GRAMD1C: variants seen among roughly 807,000 people sequenced by gnomAD.
GRAMD1C encodes GRAM domain containing 1C.
Under a neutral mutation model 97.8 loss-of-function variants are expected in GRAMD1C, and 89 were observed. The ratio of observed to expected loss-of-function variants is 0.91; its 90% CI spans 0.77 to 1.09. The LOEUF is 1.09. Among genes scored for constraint, GRAMD1C ranks in the 50% least tolerant of loss-of-function variants. The pLI, the probability that GRAMD1C is intolerant of heterozygous loss-of-function variation, is 0.00. For missense variants in GRAMD1C, 740 were observed against 766.4 expected (o/e 0.97, Z 0.41); for synonymous variants, 256 against 267.0 (o/e 0.96, Z 0.40).
In GRAMD1C at chr3:113,936,249, GTT is replaced by G. The variant is rs751275498; in HGVS notation, c.1457-7_1457-6del. 3.4e-6 allele frequency: 4 copies of G among 1,175,788 alleles called. No individual in the cohort carries two copies. Among genetic ancestry groups the G allele is most frequent in the Non-Finnish European group, 3.6e-6 (3 of 844,160 alleles). The allele number at this position is 1,175,788 out of a possible 1,614,324, so 72.8% of individuals were successfully genotyped here. A position where few individuals can be genotyped will look rare whatever the true frequency, so the allele number is the denominator to read the frequency against. On this transcript the variant is annotated splice_polypyrimidine_tract_variant and intron_variant, in intron 13 of 17. Coordinates refer to ENST00000358160, the MANE Select transcript of GRAMD1C (RefSeq NM_017577.5). ...GAGCTTTCCTCACTATATAAAGATT[GTT>G]TTTTTTTTTCTTAGAATCAGATTTG... is the stretch of plus-strand genomic sequence containing the variant.
At chr3:113,839,282 C>A (rs1250906557) in intron 1 of GRAMD1C, among the ~76,000 whole-genome samples, 1 of 152,164 alleles carries the variant, frequency 6.6e-6, no homozygotes, top group African/African-American at 2.4e-5. Context: ...CAGCCTTGCC[C>A]CCTTCCTTTC....
intron 1 of GRAMD1C, among the ~76,000 whole-genome samples, chr3:113,831,560 T>C (rs1451204337): frequency 6.6e-6 from 1 of 152,198 alleles, no homozygotes; most frequent in Non-Finnish European, 1.5e-5. Context: ...TTTGTATATG[T>C]TGGTCTACTT....
chr3:113,933,575 A>T lies in GRAMD1C; in HGVS notation c.1274A>T (p.Asp425Val), dbSNP rs1937516677. 1.9e-6 allele frequency: 3 copies of T among 1,601,152 alleles called. No individual in the cohort carries two copies. The highest frequency in any genetic ancestry group is 1.7e-4 in the Middle Eastern group (1 of 6,042). ...GTAGATTCAGAAGTACTGACACATG[A>T]TGTCCCCTACCATGATTACTTCTAT... ...YLVDSEVLTH[D>V]VPYHDYFYTV... The change falls in exon 12 of 18, where the codon GAT (aspartate) becomes GTT (valine). Residue 425 changes from aspartate to valine, a missense_variant. By Grantham distance (152) the Asp-to-Val change is radical. Transcript: ENST00000358160.
intron 2 of GRAMD1C, among the ~76,000 whole-genome samples, chr3:113,854,590 A>C (rs7646432): frequency 6.6e-6 from 1 of 152,106 alleles, no homozygotes; most frequent in South Asian, 2.1e-4. Context: ...TTAAGGGCAA[A>C]AACCTGACTA....
intron 6 of GRAMD1C, among the ~76,000 whole-genome samples, chr3:113,886,451 C>G (rs1935484207): frequency 6.6e-6 from 1 of 152,114 alleles, no homozygotes; most frequent in Non-Finnish European, 1.5e-5. Flanking sequence ...TTCACTCCTG[C>G]TCCAAGGGCT....
At chr3:113,885,546 G>T in intron 6 of GRAMD1C, 4 of 1,597,202 alleles carry the variant, frequency 2.5e-6, no homozygotes, top group Non-Finnish European at 3.4e-6. Flanking sequence ...TCCTGAGGCC[G>T]CAGTCCGGCC....
chr3:113,886,211 G>C (rs568935028), intron 6 of GRAMD1C, among the ~76,000 whole-genome samples: 1 of 152,302 alleles, frequency 6.6e-6, no homozygotes, highest in South Asian at 2.1e-4. Flanking sequence ...TGGACACATG[G>C]GCTGGGGGCT....
At chr3:113,914,145 A>G (rs1936715911) in intron 9 of GRAMD1C, among the ~76,000 whole-genome samples, 1 of 152,202 alleles carries the variant, frequency 6.6e-6, no homozygotes, top group South Asian at 2.1e-4. Context: ...TACAGTGAAC[A>G]TATAATACTT....
chr3:113,917,749 A>G (rs1183988425), intron 10 of GRAMD1C, among the ~76,000 whole-genome samples: 2 of 144,248 alleles, frequency 1.4e-5, no homozygotes, highest in South Asian at 2.3e-4. Context: ...CTGGAGTGCT[A>G]TGGTGCAATC....
chr3:113,876,241 T>C lies in GRAMD1C; in HGVS notation c.440T>C (p.Ile147Thr). The change falls in exon 5 of 18, where the codon ATA becomes ACA. Residue 147 changes from isoleucine (I) to threonine (T), a missense_variant. By Grantham distance (89) the Ile-to-Thr change is moderately conservative. Transcript: ENST00000358160. ...TARLIPNAIQ[I>T]VTESEKFFFT... ...CGACTCATCCCAAACGCTATCCAGA[T>C]AGTTACAGAAAGTGAAAAGGTGAAA... is the stretch of plus-strand genomic sequence containing the variant. The C allele has an allele frequency of 1.9e-6, 3 of 1,583,432 alleles. No homozygotes were observed. In the Admixed American group the frequency reaches 5.0e-5, roughly 27 times the overall value.
In GRAMD1C at chr3:113,904,156, A is replaced by G. The variant is rs1356500674; in HGVS notation, c.673A>G (p.Ser225Gly). 22 of 1,609,780 alleles carry G rather than the reference A, an allele frequency of 1.4e-5. No homozygotes were observed. The highest frequency in any genetic ancestry group is 1.9e-5 in the Non-Finnish European group (22 of 1,176,262). The change falls in exon 8 of 18, where the codon AGC (serine) becomes GGC (glycine). Residue 225 changes from serine (S) to glycine (G), a missense_variant. Transcript: ENST00000358160. ...TTCTTACAGAAGTCCAGGAAGAAGC[A>G]GCTTGGATGACTCTGGGGAGAGAGA... ...DVQPRSPGRSSLDDSGERDEK... is the reference protein window; with the variant it reads ...DVQPRSPGRSGLDDSGERDEK...
At chr3:113,890,477 A>G in intron 6 of GRAMD1C, 1 of 474,102 alleles carries the variant, frequency 2.1e-6, no homozygotes, top group South Asian at 4.2e-5. Context: ...CTGCCCTCCC[A>G]GGTTGCACTT....
intron 1 of GRAMD1C, among the ~76,000 whole-genome samples, chr3:113,830,896 C>T (rs755160678): frequency 1.3e-5 from 2 of 152,100 alleles, no homozygotes; most frequent in Non-Finnish European, 2.9e-5. Flanking sequence ...GTTAGGAATT[C>T]GAGGCCAGGG....
intron 6 of GRAMD1C, among the ~76,000 whole-genome samples, chr3:113,889,123 C>T (rs1420059557): frequency 6.6e-6 from 1 of 152,072 alleles, no homozygotes; most frequent in Non-Finnish European, 1.5e-5. Context: ...TCACTTGAAC[C>T]GGGTAGGCAG....
chr3:113,885,194 C>T (rs1935420359), intron 6 of GRAMD1C: 4 of 694,720 alleles, frequency 5.8e-6, no homozygotes, highest in Non-Finnish European at 2.4e-6. Flanking sequence ...TCTCCTGCCA[C>T]TTGGGGCCCC....
In GRAMD1C at chr3:113,930,776, A is replaced by G. The variant is rs1197009212; in HGVS notation, c.1153A>G (p.Thr385Ala). ...TGATCAGCTGAGAACGATGACCTACACTATAGTCCTTAATAGTCCACTTAC... is the reference window on the plus strand; with the variant it reads ...TGATCAGCTGAGAACGATGACCTACGCTATAGTCCTTAATAGTCCACTTAC... The part of the protein sequence containing the change: ...GGDQLRTMTY[T>A]IVLNSPLTGK... The change falls in exon 11 of 18, where the codon ACT (threonine) becomes GCT (alanine). Residue 385 changes from threonine to alanine, a missense_variant. Thr to Ala is a moderately conservative substitution (Grantham distance 58). Transcript: ENST00000358160. The G allele has an allele frequency of 1.9e-6, 3 of 1,612,748 alleles. No individual in the cohort carries two copies. The highest frequency in any genetic ancestry group is 2.5e-6 in the Non-Finnish European group (3 of 1,178,696).
In GRAMD1C at chr3:113,934,432, A is replaced by AAATCT. The variant is rs1937538535; in HGVS notation, c.1353_1354insAATCT (p.Val452AsnfsTer7). 1.2e-5 allele frequency: 16 copies of AAATCT among 1,376,330 alleles called. No individual in the cohort carries two copies. The highest frequency in any genetic ancestry group is 1.5e-5 in the African/African-American group (1 of 68,944). The allele number at this position is 1,376,330 out of a possible 1,614,324, so 85.3% of individuals were successfully genotyped here. On this transcript the variant is annotated frameshift_variant and splice_region_variant, in exon 13 of 18. Coordinates refer to ENST00000358160, the MANE Select transcript of GRAMD1C (RefSeq NM_017577.5). LOFTEE classifies it high-confidence loss of function. ...TATTCTTTCCTTCTTATTCTACTAG[A>AAATCT]GTTTCCACAGATTTGAAATACAGAA...
intron 13 of GRAMD1C, 93 bp downstream of exon 13, chr3:113,934,628 G>T (rs1937542462): frequency 1.6e-6 from 1 of 642,914 alleles, no homozygotes; most frequent in Admixed American, 2.9e-5. Context: ...ACAGAAAACT[G>T]GTCAATGATG....
intron 3 of GRAMD1C, among the ~76,000 whole-genome samples, chr3:113,872,862 A>G (rs1193194801): frequency 2.7e-5 from 4 of 148,346 alleles, no homozygotes; most frequent in Admixed American, 6.8e-5. Context: ...GCTTGAGGCC[A>G]GGAGTTCAAG....
Sources: allele counts gnomAD v4.1 joint callset (sites outside exome capture counted in the v4.1 genomes callset), GRCh38; gene constraint gnomAD v4.1.1; transcripts MANE v1.5; gene names NCBI Gene and HGNC (gene_info 2026-07-23, HGNC 2026-07-21).